Variants in VSNL1 observed in about 807,000 individuals in gnomAD.
VSNL1 encodes visinin-like protein 1.
In VSNL1, 6 loss-of-function variants were observed where a neutral mutation model predicts 20.4. That is an observed-to-expected ratio of 0.29 (90% CI 0.16 to 0.58). The LOEUF (loss-of-function observed/expected upper bound fraction) is 0.58. Among genes scored for constraint, VSNL1 ranks in the 20% least tolerant of loss-of-function variants. The probability of loss-of-function intolerance (pLI) is 0.90; values close to 1 mark genes in which losing one functional copy is unlikely to be tolerated. For missense variants in VSNL1, 100 were observed against 234.5 expected (o/e 0.43, Z 3.75); for synonymous variants, 93 against 86.4 (o/e 1.08, Z -0.42).
At chr2:17,627,556 G>C (rs1326992284) in intron 2 of VSNL1, among the ~76,000 whole-genome samples, 1 of 152,190 alleles carries the variant, frequency 6.6e-6, no homozygotes, top group Admixed American at 6.5e-5. Flanking sequence ...AGTGAATCGG[G>C]AATGTTGATT....
rs1356430569 is a variant in VSNL1, at chr2:17,655,462, C to T, written c.*68C>T. On this transcript the variant is annotated 3_prime_UTR_variant, in exon 4 of 4. Transcript: ENST00000295156. This position sits in a 1 kb window ranked among gnomAD's most constrained non-coding sequence, Gnocchi z 5.2. ...CATTCAGTCTGCAGCTATTCACACA[C>T]ACACACACACACACACACACACACA... The T allele has an allele frequency of 2.7e-6, 2 of 751,872 alleles. No individual in the cohort carries two copies. Among genetic ancestry groups the T allele is most frequent in the Non-Finnish European group, 3.9e-6 (2 of 508,064 alleles). The allele number at this position is 751,872 out of a possible 1,614,324, so 46.6% of individuals were successfully genotyped here.
At chr2:17,581,572 A>G (rs80230993) in intron 1 of VSNL1, among the ~76,000 whole-genome samples, 5,024 of 152,298 alleles carry the variant, frequency 0.033, 88 homozygotes, top group East Asian at 0.097. Context: ...ATATGTCTTA[A>G]CAGGCTTGTG....
chr2:17,631,026 C>T lies in VSNL1; in HGVS notation c.163-18384C>T, dbSNP rs142591824. ...CGAACTCTTGACCTCGTGATCTGCC[C>T]GACTTGGCCTCCCAAAGTGCTGGGA... On this transcript the variant is annotated intron_variant, in intron 2 of 3. Transcript: ENST00000295156. 5.8e-3 allele frequency among the ~76,000 whole-genome samples: 881 copies of T among 152,244 alleles called. 8 individuals carry two copies. The highest frequency in any genetic ancestry group is 0.02 in the African/African-American group (850 of 41,542).
chr2:17,596,135 C>A lies in VSNL1; in HGVS notation c.162+3899C>A, dbSNP rs141889953. Among the ~76,000 whole-genome samples the A allele has an allele frequency of 1.7e-3, 262 of 152,258 alleles. 2 individuals carry two copies. Among genetic ancestry groups the A allele is most frequent in the South Asian group, 3.3e-3 (16 of 4,828 alleles). On this transcript the variant is annotated intron_variant, in intron 2 of 3. Transcript: ENST00000295156. ...TGAGCAAATGAATATAATTCTTATT[C>A]CTTCTCTGTTGTCACATGCGTTCTC...
intron 3 of VSNL1, among the ~76,000 whole-genome samples, chr2:17,653,866 T>C (rs907335256): frequency 3.3e-5 from 5 of 152,158 alleles, no homozygotes; most frequent in Non-Finnish European, 7.4e-5. Flanking sequence ...CCCAGTTAGA[T>C]CCCTCATGCC....
chr2:17,565,789 A>T (rs1016227662), intron 1 of VSNL1, among the ~76,000 whole-genome samples: 3 of 152,174 alleles, frequency 2.0e-5, no homozygotes, highest in Non-Finnish European at 4.4e-5. Context: ...TCTCATCTTG[A>T]ATTGTAGTTC....
intron 2 of VSNL1, among the ~76,000 whole-genome samples, chr2:17,610,806 A>AC (rs1665066260): frequency 6.6e-6 from 1 of 152,006 alleles, no homozygotes; most frequent in South Asian, 2.1e-4. Flanking sequence ...CTTCCTCTGA[A>AC]CTCTAGCCAG....
chr2:17,599,332 A>G (rs1664778362), intron 2 of VSNL1, among the ~76,000 whole-genome samples: 1 of 152,236 alleles, frequency 6.6e-6, no homozygotes, highest in Non-Finnish European at 1.5e-5. Flanking sequence ...CAGTCTGTCT[A>G]GAAACTAAAA....
At chr2:17,587,235 T>C (rs905145828) in intron 1 of VSNL1, among the ~76,000 whole-genome samples, 6 of 152,072 alleles carry the variant, frequency 3.9e-5, no homozygotes, top group Admixed American at 1.3e-4. Context: ...GATTGCTAGA[T>C]TACCTGGGAG....
At chr2:17,580,234 A>C (rs1043317525) in intron 1 of VSNL1, among the ~76,000 whole-genome samples, 14 of 152,222 alleles carry the variant, frequency 9.2e-5, no homozygotes, top group African/African-American at 3.1e-4. Context: ...GGTTGGGTCT[A>C]GAGTTGTCCA....
chr2:17,622,596 G>GAAAGAAAGA lies in VSNL1; in HGVS notation c.163-26807_163-26806insGAAAAGAAA, dbSNP rs1558303731. Reference sequence around the variant, plus strand: ...AGAAAGAAAGAAAGAAAGAAAGAAAGAAAGAAAAGAAAGAAAGATCTTCAA... The same window carrying GAAAGAAAGA: ...AGAAAGAAAGAAAGAAAGAAAGAAAGAAAGAAAGAAAAGAAAAGAAAGAAAGATCTTCAA... On this transcript the variant is annotated intron_variant, in intron 2 of 3. Transcript: ENST00000295156. Among the ~76,000 whole-genome samples, 4 of 128,762 alleles carry GAAAGAAAGA rather than the reference G, an allele frequency of 3.1e-5. No individual in the cohort carries two copies. In the East Asian group the frequency reaches 8.7e-4, roughly 28 times the overall value. 84.5% of individuals were successfully genotyped at this position (128,762 alleles called of 152,430 possible). A position where few individuals can be genotyped will look rare whatever the true frequency, so the allele number is the denominator to read the frequency against.
intron 1 of VSNL1, among the ~76,000 whole-genome samples, chr2:17,559,109 G>A (rs62131507): frequency 2.0e-5 from 3 of 152,022 alleles, no homozygotes; most frequent in East Asian, 1.9e-4. Context: ...GCCACATATC[G>A]GCTTTCTAAC....
At chr2:17,605,412 TAAG>T (rs1372388893) in intron 2 of VSNL1, among the ~76,000 whole-genome samples, 4 of 152,000 alleles carry the variant, frequency 2.6e-5, no homozygotes, top group Admixed American at 2.6e-4. Flanking sequence ...AAAAAAAGTT[TAAG>T]GAGGAAGTGA....
intron 2 of VSNL1, among the ~76,000 whole-genome samples, chr2:17,618,883 A>G (rs980182156): frequency 1.3e-5 from 2 of 152,180 alleles, no homozygotes; most frequent in Non-Finnish European, 2.9e-5. Flanking sequence ...GGCTCCAGGC[A>G]TATGTTTTTT....
intron 2 of VSNL1, among the ~76,000 whole-genome samples, chr2:17,609,680 C>T (rs917218800): frequency 1.3e-5 from 2 of 152,240 alleles, no homozygotes; most frequent in Non-Finnish European, 2.9e-5. Context: ...GCTGCCTGGG[C>T]TGGACCTGAC....
In VSNL1 at chr2:17,649,374, C is replaced by T; in HGVS notation, c.163-36C>T. On this transcript the variant is annotated intron_variant, in intron 2 of 3. Coordinates refer to ENST00000295156, the MANE Select transcript of VSNL1 (RefSeq NM_003385.5). This position sits in a 1 kb window ranked among gnomAD's most constrained non-coding sequence, Gnocchi z 6.4. Reference sequence around the variant, plus strand: ...TACCTCGTCGCCCCGATTCCATCCCCTCCCGACACCTGACTGCGCGTGTTC... The same window carrying T: ...TACCTCGTCGCCCCGATTCCATCCCTTCCCGACACCTGACTGCGCGTGTTC... 1 of 1,607,362 alleles carries T rather than the reference C, an allele frequency of 6.2e-7. No homozygotes were observed. The highest frequency in any genetic ancestry group is 8.5e-7 in the Non-Finnish European group (1 of 1,173,922).
intron 2 of VSNL1, among the ~76,000 whole-genome samples, chr2:17,605,332 T>C (rs1664919658): frequency 6.6e-6 from 1 of 152,136 alleles, no homozygotes. Context: ...CTCCAATCCA[T>C]GTGAACCAGC....
intron 2 of VSNL1, among the ~76,000 whole-genome samples, chr2:17,648,340 G>A (rs929503768): frequency 2.6e-5 from 4 of 152,220 alleles, no homozygotes; most frequent in African/African-American, 7.2e-5. Context: ...TGAGAAAGAC[G>A]GACCGAGGGC....
intron 1 of VSNL1, among the ~76,000 whole-genome samples, chr2:17,577,958 C>T: frequency 6.6e-6 from 1 of 152,140 alleles, no homozygotes; most frequent in East Asian, 1.9e-4. Flanking sequence ...TCATTCACCT[C>T]AACTGTAATA....
Sources: allele counts gnomAD v4.1 joint callset (sites outside exome capture counted in the v4.1 genomes callset), GRCh38; gene constraint gnomAD v4.1.1; non-coding constraint Gnocchi (gnomAD v3.1); transcripts MANE v1.5; gene names NCBI Gene and HGNC (gene_info 2026-07-23, HGNC 2026-07-21).